NID1: variants seen among roughly 807,000 people sequenced by gnomAD.
NID1 encodes nidogen 1.
In NID1, 76 loss-of-function variants were observed where a neutral mutation model predicts 130.6. That is an observed-to-expected ratio of 0.58 (90% CI 0.48 to 0.70). The LOEUF (loss-of-function observed/expected upper bound fraction) is 0.70. Among genes scored for constraint, NID1 ranks in the 30% least tolerant of loss-of-function variants. The pLI is 0.00. For synonymous variants in NID1, 665 were observed against 675.1 expected, an observed-to-expected ratio of 0.98 and a Z score of 0.23; for missense variants, 1,517 against 1,664.8, an observed-to-expected ratio of 0.91 and a Z score of 1.54.
At chr1:236,048,116 G>A (rs528345346) in intron 2 of NID1, among the ~76,000 whole-genome samples, 2 of 148,568 alleles carry the variant, frequency 1.3e-5, no homozygotes, top group African/African-American at 5.0e-5. Flanking sequence ...GGTGGATCAC[G>A]AGATCAAGAG....
intron 9 of NID1, among the ~76,000 whole-genome samples, chr1:236,022,939 G>A (rs577816220): frequency 1.3e-5 from 2 of 151,788 alleles, no homozygotes; most frequent in East Asian, 3.9e-4. Flanking sequence ...GCAAGCACCT[G>A]TAGTCCCAGC....
At chr1:235,996,857 G>A (rs1332815567) in intron 12 of NID1, among the ~76,000 whole-genome samples, 2 of 151,620 alleles carry the variant, frequency 1.3e-5, no homozygotes, top group East Asian at 3.9e-4. Context: ...TTTCTGAGAT[G>A]GAGTTTTGCT....
At chr1:235,988,111 A>C (rs1657623223) in intron 14 of NID1, among the ~76,000 whole-genome samples, 1 of 152,242 alleles carries the variant, frequency 6.6e-6, no homozygotes, top group Non-Finnish European at 1.5e-5. Flanking sequence ...AAGACAACCC[A>C]TGGAATGGGA....
chr1:236,012,049 A>T lies in NID1; in HGVS notation c.2405-6T>A, dbSNP rs1658443329. ...TGGCTGGCATTCATCTACATCTGTAAAACAGCCACCAGGCCCAGGGACAAT... is the reference window on the plus strand; with the variant it reads ...TGGCTGGCATTCATCTACATCTGTATAACAGCCACCAGGCCCAGGGACAAT... On this transcript the variant is annotated splice_polypyrimidine_tract_variant and splice_region_variant and intron_variant, in intron 11 of 19. Transcript: ENST00000264187. 1 of 1,611,286 alleles carries T rather than the reference A, an allele frequency of 6.2e-7. No homozygotes were observed. The highest frequency in any genetic ancestry group is 8.5e-7 in the Non-Finnish European group (1 of 1,177,720).
At position 236,025,968 on chromosome 1, in the gene NID1, C is replaced by CGCTGTCCACCGAGA; in HGVS notation, c.1898_1911dup (p.Val638SerfsTer28). The CGCTGTCCACCGAGA allele has an allele frequency of 6.2e-7, 1 of 1,613,778 alleles. No homozygotes were observed. The highest frequency in any genetic ancestry group is 8.5e-7 in the Non-Finnish European group (1 of 1,179,978). On this transcript the variant is annotated frameshift_variant, in exon 8 of 20. Coordinates refer to ENST00000264187, the MANE Select transcript of NID1 (RefSeq NM_002508.3). LOFTEE classifies it high-confidence loss of function. ...TCCTCCTGGTTGTACAGGACGAACA[C>CGCTGTCCACCGAGA]GCTGTCCACCGAGAGCTGCTGGGTG...
intron 1 of NID1, among the ~76,000 whole-genome samples, chr1:236,064,269 A>C (rs535609010): frequency 1.3e-5 from 2 of 152,328 alleles, no homozygotes; most frequent in African/African-American, 4.8e-5. Flanking sequence ...AAATGGGATC[A>C]CTGGGAGCCC....
intron 1 of NID1, among the ~76,000 whole-genome samples, chr1:236,051,486 T>C (rs905086204): frequency 1.3e-5 from 2 of 152,214 alleles, no homozygotes; most frequent in Non-Finnish European, 2.9e-5. Context: ...AAATGCAGAC[T>C]TAACAAAACT....
intron 9 of NID1, among the ~76,000 whole-genome samples, chr1:236,022,027 T>G (rs1398080360): frequency 6.6e-6 from 1 of 152,190 alleles, no homozygotes; most frequent in Non-Finnish European, 1.5e-5. Context: ...AAAAGAGCGT[T>G]GCGAGGCCAA....
At chr1:236,030,111 A>G (rs144791977) in intron 6 of NID1, among the ~76,000 whole-genome samples, 3 of 152,308 alleles carry the variant, frequency 2.0e-5, no homozygotes, top group Non-Finnish European at 4.4e-5. Context: ...CTGATGATTA[A>G]AAAAAGGATA....
At chr1:236,059,902 C>G (rs1659993693) in intron 1 of NID1, among the ~76,000 whole-genome samples, 1 of 152,068 alleles carries the variant, frequency 6.6e-6, no homozygotes, top group South Asian at 2.1e-4. Flanking sequence ...GAGATCGAGA[C>G]CATCCTGGCC....
chr1:236,024,619 CT>C (rs1406203065), intron 8 of NID1, among the ~76,000 whole-genome samples: 1 of 152,156 alleles, frequency 6.6e-6, no homozygotes, highest in Admixed American at 6.5e-5. Flanking sequence ...CTTCTTTCTG[CT>C]TCATAAAGTT....
At chr1:235,993,477 G>C (rs1362958558) in intron 13 of NID1, among the ~76,000 whole-genome samples, 168 bp downstream of exon 13, 2 of 152,230 alleles carry the variant, frequency 1.3e-5, no homozygotes, top group Non-Finnish European at 2.9e-5. Flanking sequence ...ACGGGGAGGA[G>C]CGGGGTAAGT....
intron 1 of NID1, among the ~76,000 whole-genome samples, chr1:236,052,607 A>C (rs1190203519): frequency 6.6e-6 from 1 of 152,182 alleles, no homozygotes; most frequent in African/African-American, 2.4e-5. Flanking sequence ...TGATGAGAAA[A>C]AAAAAATCTA....
At chr1:236,036,301 T>C (rs1234559621) in intron 5 of NID1, among the ~76,000 whole-genome samples, 4 of 152,262 alleles carry the variant, frequency 2.6e-5, no homozygotes, top group Admixed American at 6.5e-5. Context: ...AAGTAAAGCA[T>C]ACTCAATTGT....
intron 1 of NID1, 61 bp downstream of exon 1, chr1:236,064,794 C>T (rs780515421): frequency 6.7e-7 from 1 of 1,494,982 alleles, no homozygotes; most frequent in Non-Finnish European, 9.1e-7. Context: ...TCCGGCTCCA[C>T]GGGCGCCCCC....
At chr1:236,046,976 T>G (rs1659620869) in intron 2 of NID1, among the ~76,000 whole-genome samples, 1 of 152,194 alleles carries the variant, frequency 6.6e-6, no homozygotes, top group African/African-American at 2.4e-5. Context: ...GCTGGAATGG[T>G]GGCTCACGCC....
rs1355637925 is a variant in NID1, at chr1:235,996,566, T to C, written c.2528-2694A>G. Among the ~76,000 whole-genome samples, 3 of 151,626 alleles carry C rather than the reference T, an allele frequency of 2.0e-5. No homozygotes were observed. The East Asian group carries it at 5.9e-4, about 30-fold the overall frequency. ...AAGCAACCCTCCCACCTCAGCCTCCTGAGTAGGTGGATCTACAGGCATGCG... is the reference window on the plus strand; with the variant it reads ...AAGCAACCCTCCCACCTCAGCCTCCCGAGTAGGTGGATCTACAGGCATGCG... On this transcript the variant is annotated intron_variant, in intron 12 of 19. Transcript: ENST00000264187.
chr1:236,063,803 A>G (rs992903100), intron 1 of NID1, among the ~76,000 whole-genome samples: 1 of 152,156 alleles, frequency 6.6e-6, no homozygotes, highest in Admixed American at 6.5e-5. Flanking sequence ...ACTAAAATAA[A>G]AGCGTTATAC....
intron 14 of NID1, among the ~76,000 whole-genome samples, chr1:235,990,164 G>C (rs558037916): frequency 9.8e-4 from 149 of 152,360 alleles, no homozygotes; most frequent in Non-Finnish European, 1.8e-3. Flanking sequence ...CATCTATGAA[G>C]TGGAGATCAA....
Sources: allele counts gnomAD v4.1 joint callset (sites outside exome capture counted in the v4.1 genomes callset), GRCh38; gene constraint gnomAD v4.1.1; transcripts MANE v1.5; gene names NCBI Gene and HGNC (gene_info 2026-07-23, HGNC 2026-07-21).